The following RBFOX2 variants were observed in gnomAD, a reference collection of about 807,000 sequenced individuals.
RBFOX2 encodes RNA binding fox-1 homolog 2.
A neutral mutation model predicts 49.1 loss-of-function variants in RBFOX2; 10 were observed. The ratio of observed to expected loss-of-function variants is 0.20; its 90% CI spans 0.13 to 0.35. The LOEUF is 0.35. RBFOX2 is among the 10% of genes least tolerant of loss of function. The probability of loss-of-function intolerance (pLI) is 1.00; values close to 1 mark genes in which losing one functional copy is unlikely to be tolerated. For missense variants in RBFOX2, 323 were observed against 486.9 expected (o/e 0.66, Z 3.17); for synonymous variants, 183 against 187.4 (o/e 0.98, Z 0.19).
chr22:36,027,134 C>CA (rs952447152), intron 1 of RBFOX2, among the ~76,000 whole-genome samples: 7 of 151,722 alleles, frequency 4.6e-5, no homozygotes, highest in East Asian at 3.9e-4. Flanking sequence ...GAATCTCCTC[C>CA]AAAAAAAACA....
chr22:35,993,140 G>A (rs2058050636), intron 1 of RBFOX2: 17 of 152,158 alleles, frequency 1.1e-4, no homozygotes, highest in Admixed American at 1.1e-3. Context: ...ATATACAAGT[G>A]TTAAAAGCCC....
chr22:35,782,849 C>CATTT (rs1002042110), intron 2 of RBFOX2, among the ~76,000 whole-genome samples: 11 of 152,064 alleles, frequency 7.2e-5, no homozygotes, highest in East Asian at 1.9e-4. Flanking sequence ...TGTGGGTATG[C>CATTT]ATTTATTTAT....
rs1324494795 is a variant in RBFOX2 at position 35,789,360 on chromosome 22, T to G, written c.253-7614A>C. On this transcript the variant is annotated intron_variant, in intron 2 of 11. Transcript: ENST00000405409. ...GAGTTCAAGACCAGCCTGGCCAGCATGGTGAAACCCTGTTTCTACTAAAAA... is the reference window on the plus strand; with the variant it reads ...GAGTTCAAGACCAGCCTGGCCAGCAGGGTGAAACCCTGTTTCTACTAAAAA... 3.9e-5 allele frequency among the ~76,000 whole-genome samples: 6 copies of G among 152,204 alleles called. No individual in the cohort carries two copies. The South Asian group carries it at 1.2e-3, about 32-fold the overall frequency.
chr22:35,990,335 T>C (rs1213031614), intron 1 of RBFOX2, among the ~76,000 whole-genome samples: 1 of 152,024 alleles, frequency 6.6e-6, no homozygotes, highest in Non-Finnish European at 1.5e-5. Context: ...GAGAGGATAT[T>C]GGCCAAAGAG....
At chr22:35,815,705 C>T (rs1003659975) in intron 1 of RBFOX2, among the ~76,000 whole-genome samples, 1 of 152,160 alleles carries the variant, frequency 6.6e-6, no homozygotes, top group African/African-American at 2.4e-5. Flanking sequence ...TTTGGTAGAG[C>T]ATATTCTCAC....
intron 1 of RBFOX2, among the ~76,000 whole-genome samples, chr22:35,907,578 T>G (rs990009343): frequency 2.0e-5 from 3 of 152,182 alleles, no homozygotes; most frequent in Non-Finnish European, 4.4e-5. Context: ...AAGAGGAGAT[T>G]GTTATATGCA....
intron 1 of RBFOX2, among the ~76,000 whole-genome samples, chr22:36,025,133 T>C (rs2059385094): frequency 6.6e-6 from 1 of 152,170 alleles, no homozygotes; most frequent in Non-Finnish European, 1.5e-5. Context: ...TGTATTTACA[T>C]AGGGCCTATA....
Position 35,945,427 on chromosome 22 carries a change from G to C in RBFOX2, c.43-6530C>G, listed in dbSNP as rs1317474201. ...ACTAATCCCAGCAACAAATCTCTCTGGCTTGAGAAAAAAATATATACCTTT... is the reference window on the plus strand; with the variant it reads ...ACTAATCCCAGCAACAAATCTCTCTCGCTTGAGAAAAAAATATATACCTTT... On this transcript the variant is annotated intron_variant, in intron 1 of 5. Transcript: ENST00000408983. Among the ~76,000 whole-genome samples the C allele has an allele frequency of 2.0e-5, 3 of 152,218 alleles. No individual in the cohort carries two copies. In the South Asian group the frequency reaches 6.2e-4, roughly 32 times the overall value.
chr22:35,829,963 T>G (rs1463069135), intron 1 of RBFOX2, among the ~76,000 whole-genome samples: 5 of 152,206 alleles, frequency 3.3e-5, no homozygotes, highest in African/African-American at 1.2e-4. Context: ...TACAAGAGTT[T>G]CCTGTGTCCC....
At chr22:36,027,783 TTGAAA>T (rs2059503998) in intron 1 of RBFOX2, among the ~76,000 whole-genome samples, 1 of 152,092 alleles carries the variant, frequency 6.6e-6, no homozygotes, top group South Asian at 2.1e-4. Context: ...ACTCCTCTCA[TTGAAA>T]TGCCACTTCT....
intron 1 of RBFOX2, among the ~76,000 whole-genome samples, chr22:35,818,665 T>A (rs900448137): frequency 6.6e-6 from 1 of 152,018 alleles, no homozygotes; most frequent in Non-Finnish European, 1.5e-5. Flanking sequence ...CATGCACCTG[T>A]AGTACTACCT....
At chr22:35,934,091 A>G (rs2052763450) in intron 1 of RBFOX2, among the ~76,000 whole-genome samples, 1 of 151,654 alleles carries the variant, frequency 6.6e-6, no homozygotes, top group African/African-American at 2.4e-5. Flanking sequence ...CCGGGCAAGA[A>G]GGGAAAACCA....
chr22:35,750,381 A>G (rs748674917), intron 9 of RBFOX2: 8 of 1,468,578 alleles, frequency 5.4e-6, no homozygotes, highest in Non-Finnish European at 1.9e-6. Context: ...GCAACCATTA[A>G]TAATAAAAAT....
At chr22:35,821,223 T>C (rs773070501) in intron 1 of RBFOX2, among the ~76,000 whole-genome samples, 5 of 152,228 alleles carry the variant, frequency 3.3e-5, no homozygotes, top group Non-Finnish European at 5.9e-5. Context: ...ATTTTTTCTT[T>C]TTAAATTTTA....
At chr22:35,971,556 CAT>C (rs2056870888) in intron 1 of RBFOX2, among the ~76,000 whole-genome samples, 2 of 152,034 alleles carry the variant, frequency 1.3e-5, no homozygotes, top group Admixed American at 1.3e-4. Flanking sequence ...GAAACATATA[CAT>C]ATGTTTATGT....
At chr22:35,838,869 T>C (rs984844093) in intron 1 of RBFOX2, among the ~76,000 whole-genome samples, 10 of 152,358 alleles carry the variant, frequency 6.6e-5, no homozygotes, top group African/African-American at 2.4e-4. Flanking sequence ...TTGAAACTTC[T>C]TTCCTCTGGG....
At chr22:36,026,482 G>A (rs1253647710) in intron 1 of RBFOX2, among the ~76,000 whole-genome samples, 4 of 151,824 alleles carry the variant, frequency 2.6e-5, no homozygotes, top group African/African-American at 9.7e-5. Context: ...GAGTAAATGA[G>A]GGAAAGGGAC....
chr22:35,908,216 T>C (rs2149492208), intron 1 of RBFOX2, among the ~76,000 whole-genome samples: 1 of 152,324 alleles, frequency 6.6e-6, no homozygotes, highest in East Asian at 1.9e-4. Context: ...ACCTGCAAAA[T>C]GGAGTTAATA....
intron 1 of RBFOX2, among the ~76,000 whole-genome samples, chr22:36,009,369 C>T (rs2058728616): frequency 6.6e-6 from 1 of 152,078 alleles, no homozygotes; most frequent in South Asian, 2.1e-4. Context: ...TTTCTGGTAC[C>T]AGAAAGGGCC....
Sources: allele counts gnomAD v4.1 joint callset (sites outside exome capture counted in the v4.1 genomes callset), GRCh38; gene constraint gnomAD v4.1.1; transcripts MANE v1.5; gene names NCBI Gene and HGNC (gene_info 2026-07-23, HGNC 2026-07-21).